Variants in MCPH1 observed in about 807,000 individuals in gnomAD.
The protein encoded by MCPH1 is microcephalin 1.
Under a neutral mutation model 84.5 loss-of-function variants are expected in MCPH1, and 104 were observed. The ratio of observed to expected loss-of-function variants is 1.23; its 90% CI spans 1.05 to 1.45. MCPH1 has a LOEUF of 1.45. Ranked by LOEUF, MCPH1 falls within the 40% of genes most tolerant of loss-of-function variation. The probability of loss-of-function intolerance (pLI) is 0.00; values close to 1 mark genes in which losing one functional copy is unlikely to be tolerated. For synonymous variants in MCPH1, 514 were observed against 366.8 expected (o/e 1.40, Z -4.58); for missense variants, 1,498 against 1,005.7 (o/e 1.49, Z -6.62).
intron 11 of MCPH1, among the ~76,000 whole-genome samples, chr8:6,491,418 C>A (rs1430860163): frequency 1.4e-5 from 2 of 144,332 alleles, no homozygotes; most frequent in South Asian, 2.2e-4. Context: ...ATTATTAGGA[C>A]AGAAGGACAA....
intron 3 of MCPH1, among the ~76,000 whole-genome samples, chr8:6,429,283 A>G (rs1304895244): frequency 1.3e-5 from 2 of 152,142 alleles, no homozygotes; most frequent in African/African-American, 4.8e-5. Context: ...GGCTCCACTT[A>G]TGTGAACATG....
chr8:6,408,030 C>G (rs957940333), intron 1 of MCPH1, among the ~76,000 whole-genome samples: 1 of 152,270 alleles, frequency 6.6e-6, no homozygotes, highest in Non-Finnish European at 1.5e-5. Context: ...GTGGCAAATA[C>G]TGTATTGGCC....
intron 12 of MCPH1, among the ~76,000 whole-genome samples, chr8:6,562,099 G>T (rs1825628304): frequency 1.3e-5 from 2 of 152,208 alleles, no homozygotes; most frequent in Admixed American, 1.3e-4. Context: ...CATAAGGTCT[G>T]CTTTATTTAA....
intron 9 of MCPH1, among the ~76,000 whole-genome samples, chr8:6,456,785 T>C (rs915309469): frequency 6.6e-6 from 1 of 152,176 alleles, no homozygotes; most frequent in African/African-American, 2.4e-5. Flanking sequence ...CAGTGGAAGT[T>C]ACTGTTTCAG....
intron 12 of MCPH1, among the ~76,000 whole-genome samples, chr8:6,515,056 A>G (rs944082269): frequency 1.9e-4 from 29 of 151,780 alleles, no homozygotes; most frequent in African/African-American, 7.0e-4. Flanking sequence ...CAGGCTAAAG[A>G]CCCCACCCTG....
At chr8:6,522,263 G>A (rs1004441636) in intron 12 of MCPH1, among the ~76,000 whole-genome samples, 1 of 152,156 alleles carries the variant, frequency 6.6e-6, no homozygotes, top group East Asian at 1.9e-4. Flanking sequence ...GCTGAGGCAG[G>A]AGAATGGCGT....
chr8:6,588,914 A>T (rs745908720), intron 12 of MCPH1, among the ~76,000 whole-genome samples: 2 of 152,362 alleles, frequency 1.3e-5, no homozygotes, highest in South Asian at 4.1e-4. Flanking sequence ...TTTATAGTCT[A>T]CCTGCTACTT....
chr8:6,418,158 A>G (rs1302220944), intron 3 of MCPH1, among the ~76,000 whole-genome samples: 1 of 152,038 alleles, frequency 6.6e-6, no homozygotes, highest in African/African-American at 2.4e-5. Context: ...TCATTTCTCT[A>G]GTAGCCCTAG....
At chr8:6,621,063 G>T in intron 12 of MCPH1, 1 of 314,466 alleles carries the variant, frequency 3.2e-6, no homozygotes, top group Non-Finnish European at 6.1e-6. Context: ...CAGCACAGCC[G>T]GCATTTGCAG....
intron 12 of MCPH1, among the ~76,000 whole-genome samples, chr8:6,566,726 G>C (rs558015947): frequency 6.6e-6 from 1 of 151,608 alleles, no homozygotes; most frequent in East Asian, 2.0e-4. Context: ...GATCGGCAAG[G>C]CCATGGATAG....
intron 12 of MCPH1, among the ~76,000 whole-genome samples, chr8:6,601,728 A>G (rs945913313): frequency 7.4e-6 from 1 of 135,312 alleles, no homozygotes; most frequent in Non-Finnish European, 1.6e-5. Flanking sequence ...CACACACCCA[A>G]TCACATACCA....
At chr8:6,432,048 C>G (rs867661311) in intron 4 of MCPH1, among the ~76,000 whole-genome samples, 2 of 152,224 alleles carry the variant, frequency 1.3e-5, no homozygotes, top group South Asian at 4.1e-4. Context: ...GGGACCCCCA[C>G]AGATAACAAA....
chr8:6,611,971 T>C (rs1024012921), intron 12 of MCPH1, among the ~76,000 whole-genome samples: 2 of 152,172 alleles, frequency 1.3e-5, no homozygotes, highest in East Asian at 3.9e-4. Flanking sequence ...GATGAAATCA[T>C]TGGCCATTGA....
At chr8:6,564,236 C>G (rs1428609871) in intron 12 of MCPH1, among the ~76,000 whole-genome samples, 1 of 152,166 alleles carries the variant, frequency 6.6e-6, no homozygotes, top group Non-Finnish European at 1.5e-5. Flanking sequence ...TTTGGCCTCC[C>G]AAAGTGCTGA....
chr8:6,522,639 G>A (rs532893805), intron 12 of MCPH1, among the ~76,000 whole-genome samples: 1 of 151,078 alleles, frequency 6.6e-6, no homozygotes, highest in Non-Finnish European at 1.5e-5. Flanking sequence ...CCAAGCGTGG[G>A]GGTACATGAA....
Position 6,632,631 on chromosome 8 carries a change from A to C in MCPH1, c.2453-10363A>C, listed in dbSNP as rs189751536. Among the ~76,000 whole-genome samples the C allele has an allele frequency of 3.3e-3, 501 of 152,238 alleles. 4 individuals are homozygous for C. Among genetic ancestry groups the C allele is most frequent in the African/African-American group, 0.011 (458 of 41,532 alleles). The stretch of plus-strand genomic sequence containing the variant: ...GAGACCATCCTGGCTAACACAGTGA[A>C]ACCCCATCTCTACTAAAAATACAAA... On this transcript the variant is annotated intron_variant, in intron 13 of 13. Coordinates refer to ENST00000344683, the MANE Select transcript of MCPH1 (RefSeq NM_024596.5).
At chr8:6,447,162 C>T (rs1271588572) in intron 8 of MCPH1, 5 of 985,296 alleles carry the variant, frequency 5.1e-6, no homozygotes, top group East Asian at 2.3e-4. Flanking sequence ...TAGCCTAAAT[C>T]GAACCCTTTT....
At chr8:6,599,554 G>A (rs1397671604) in intron 12 of MCPH1, among the ~76,000 whole-genome samples, 1 of 152,230 alleles carries the variant, frequency 6.6e-6, no homozygotes, top group African/African-American at 2.4e-5. Context: ...AGGGCTTGAT[G>A]TAATAGCTTA....
At position 6,621,691 on chromosome 8, in the gene MCPH1, G is replaced by A. The variant is rs777703312; in HGVS notation, c.2452G>A (p.Asp818Asn). The part of the protein sequence containing the change: ...VKYLSEKWVL[D>N]SITQHKVCAP... ...GTATCTGTCTGAGAAATGGGTCTTA[G>A]GTAAGAATCCAGGCACACAGACGCT... is the stretch of plus-strand genomic sequence containing the variant. The change falls in exon 13 of 14, where the codon GAT (aspartate) becomes AAT (asparagine). Residue 818 changes from aspartate (D) to asparagine (N), a missense_variant and splice_region_variant. By Grantham distance (23) the Asp-to-Asn change is conservative (BLOSUM62 1). Transcript: ENST00000344683. The A allele has an allele frequency of 2.5e-6, 4 of 1,614,026 alleles. No individual in the cohort carries two copies. The highest frequency in any genetic ancestry group is 1.3e-5 in the African/African-American group (1 of 74,928).
Sources: allele counts gnomAD v4.1 joint callset (sites outside exome capture counted in the v4.1 genomes callset), GRCh38; gene constraint gnomAD v4.1.1; transcripts MANE v1.5; gene names NCBI Gene and HGNC (gene_info 2026-07-23, HGNC 2026-07-21).